Variants in C1QTNF1 observed in about 807,000 individuals in gnomAD.
C1QTNF1 encodes C1q and TNF related 1, also known as complement C1q tumor necrosis factor-related protein 1.
A neutral mutation model predicts 27.8 loss-of-function variants in C1QTNF1; 22 were observed. The observed-to-expected ratio is 0.79, with a 90% CI of 0.56 to 1.13. C1QTNF1 has a LOEUF of 1.13. Ranked by LOEUF, C1QTNF1 falls within the 50% of genes most tolerant of loss-of-function variation. C1QTNF1 has a pLI of 0.00. For synonymous variants in C1QTNF1, 166 were observed against 154.3 expected, an observed-to-expected ratio of 1.08 and a Z score of -0.56; for missense variants, 373 against 380.2, an observed-to-expected ratio of 0.98 and a Z score of 0.16.
intron 1 of C1QTNF1, 178 bp from the exon 2 acceptor site, chr17:79,043,777 T>G: frequency 1.4e-6 from 1 of 721,912 alleles, no homozygotes; most frequent in Non-Finnish European, 2.5e-6. Flanking sequence ...TATGCATGCA[T>G]GGGTGTGTGA....
intron 1 of C1QTNF1, among the ~76,000 whole-genome samples, chr17:79,034,917 C>T (rs2072230330): frequency 6.6e-6 from 1 of 152,158 alleles, no homozygotes; most frequent in South Asian, 2.1e-4. Flanking sequence ...AAGGGACCCC[C>T]ATCCACCACG....
chr17:79,027,947 C>T (rs1305340005), intron 1 of C1QTNF1, among the ~76,000 whole-genome samples: 2 of 152,232 alleles, frequency 1.3e-5, no homozygotes, highest in African/African-American at 2.4e-5. Context: ...GCCTCTGAGG[C>T]CCCCTGGATC....
At chr17:79,040,906 T>A (rs2072389515) in intron 1 of C1QTNF1, among the ~76,000 whole-genome samples, 1 of 150,290 alleles carries the variant, frequency 6.7e-6, no homozygotes, top group African/African-American at 2.5e-5. Context: ...AAAAAAAAAA[T>A]CAGAATTTTA....
chr17:79,046,737 C>T lies in C1QTNF1; in HGVS notation c.295+43C>T, dbSNP rs1239910107. On this transcript the variant is annotated intron_variant, in intron 3 of 3. Coordinates refer to ENST00000579760, the MANE Select transcript of C1QTNF1 (RefSeq NM_030968.5). This position sits in a 1 kb window ranked among gnomAD's most constrained non-coding sequence, Gnocchi z 4.8. ...ACAAGCACGGGGTGGCCGGGCTGCT[C>T]TGTGCTGATCCGGAGGAAGGGATGG... 1 of 1,610,484 alleles carries T rather than the reference C, an allele frequency of 6.2e-7. No individual in the cohort carries two copies. Among genetic ancestry groups the T allele is most frequent in the African/African-American group, 1.3e-5 (1 of 74,982 alleles).
At chr17:79,047,427 G>C (rs2072613315) in intron 3 of C1QTNF1, 111 bp from the exon 4 acceptor site, 2 of 1,134,060 alleles carry the variant, frequency 1.8e-6, no homozygotes, top group African/African-American at 1.6e-5. Flanking sequence ...TGCCAGGTCA[G>C]GGCTGTGAGG....
At chr17:79,037,430 A>G (rs1226057210) in intron 1 of C1QTNF1, among the ~76,000 whole-genome samples, 2 of 151,900 alleles carry the variant, frequency 1.3e-5, no homozygotes, top group East Asian at 3.9e-4. Context: ...TGCCCGGCCA[A>G]TTTTGGTATT....
At chr17:79,026,505 C>T (rs947907532) in intron 1 of C1QTNF1, among the ~76,000 whole-genome samples, 6 of 152,222 alleles carry the variant, frequency 3.9e-5, no homozygotes, top group Non-Finnish European at 8.8e-5. Flanking sequence ...ACATGGCACT[C>T]AGCTCGCCAA....
upstream of C1QTNF1, among the ~76,000 whole-genome samples, chr17:79,023,704 G>GCGCGCGCGCGCACACA (rs1267428917): frequency 4.1e-5 from 6 of 145,030 alleles, no homozygotes; most frequent in East Asian, 4.4e-4. Context: ...GCGCGCGCGC[G>GCGCGCGCGCGCACACA]CACACACACA....
At chr17:79,028,054 C>T (rs899710361) in intron 1 of C1QTNF1, among the ~76,000 whole-genome samples, 12 of 152,342 alleles carry the variant, frequency 7.9e-5, no homozygotes, top group African/African-American at 1.9e-4. Flanking sequence ...CGGCTGTGGC[C>T]GGGCCGGTGT....
At chr17:79,030,789 C>T (rs867095825) in intron 1 of C1QTNF1, among the ~76,000 whole-genome samples, 7 of 151,706 alleles carry the variant, frequency 4.6e-5, no homozygotes, top group African/African-American at 1.5e-4. Context: ...TTAGTAGAGA[C>T]GGGGTTTTAC....
upstream of C1QTNF1, among the ~76,000 whole-genome samples, chr17:79,023,808 G>A (rs976197848): frequency 1.3e-5 from 2 of 152,192 alleles, no homozygotes; most frequent in Non-Finnish European, 2.9e-5. Flanking sequence ...AATGCACAGG[G>A]CGTCTCAGGT....
At chr17:79,037,123 T>TTTTTTG (rs965786999) in intron 1 of C1QTNF1, among the ~76,000 whole-genome samples, 2 of 151,068 alleles carry the variant, frequency 1.3e-5, no homozygotes, top group Admixed American at 6.6e-5. Flanking sequence ...GCCCAGCTAT[T>TTTTTTG]TTTTTGTTTT....
intron 1 of C1QTNF1, among the ~76,000 whole-genome samples, chr17:79,026,808 C>T (rs1408718888): frequency 6.6e-6 from 1 of 152,144 alleles, no homozygotes; most frequent in African/African-American, 2.4e-5. Context: ...CCCAAGCTGT[C>T]CCAGGAAGGC....
intron 1 of C1QTNF1, among the ~76,000 whole-genome samples, chr17:79,032,553 G>T (rs892171319): frequency 2.0e-5 from 3 of 152,182 alleles, no homozygotes; most frequent in Admixed American, 1.3e-4. Flanking sequence ...CCAGGGCTGG[G>T]GAAGAAGTGA....
intron 2 of C1QTNF1, 41 bp downstream of exon 2, chr17:79,044,164 T>A (rs931252358): frequency 6.5e-7 from 1 of 1,539,170 alleles, no homozygotes; most frequent in African/African-American, 1.4e-5. Flanking sequence ...GCTCTGGCTC[T>A]GGCCAGGCTG....
chr17:79,047,884 C>T lies in C1QTNF1; in HGVS notation c.642C>T (p.Asn214=), dbSNP rs377539827. 7 of 1,614,184 alleles carry T rather than the reference C, an allele frequency of 4.3e-6. No homozygotes were observed. The highest frequency in any genetic ancestry group is 1.1e-5 in the South Asian group (1 of 91,082). ...QKETYLHIMK[N]EEEVVILFAQ... ...AGACCTACCTGCACATCATGAAGAACGAGGAGGAGGTGGTGATCTTGTTCG... is the reference window on the plus strand; with the variant it reads ...AGACCTACCTGCACATCATGAAGAATGAGGAGGAGGTGGTGATCTTGTTCG... Residue 214 remains asparagine (N), a synonymous_variant, in exon 4 of 4, where the codon AAC becomes AAT. Transcript: ENST00000579760.
intron 1 of C1QTNF1, among the ~76,000 whole-genome samples, chr17:79,043,106 A>G (rs2072460218): frequency 6.8e-6 from 1 of 146,246 alleles, no homozygotes; most frequent in Non-Finnish European, 1.5e-5. Context: ...GCATGTGTGC[A>G]TGGATTGCAT....
chr17:79,040,182 T>C (rs11870160), intron 1 of C1QTNF1, among the ~76,000 whole-genome samples: 25,688 of 151,948 alleles, frequency 0.17, 3,097 homozygotes, highest in African/African-American at 0.34. Context: ...ATAGGAAAAA[T>C]AAAATTATGG....
rs67515165 is a variant in C1QTNF1 at position 79,033,531 on chromosome 17, T to TA, written c.-15+9049dup. Among the ~76,000 whole-genome samples, 505 of 147,692 alleles carry TA rather than the reference T, an allele frequency of 3.4e-3. 1 individual carries two copies. The highest frequency in any genetic ancestry group is 5.9e-3 in the Admixed American group (87 of 14,850). ...GGGAAACATAGTGAGATCCTGTCTCTAAAAAAAAAAAATTTTTTTTTTTAA... is the reference window on the plus strand; with the variant it reads ...GGGAAACATAGTGAGATCCTGTCTCTAAAAAAAAAAAAATTTTTTTTTTTAA... On this transcript the variant is annotated intron_variant, in intron 1 of 3. Coordinates refer to ENST00000579760, the MANE Select transcript of C1QTNF1 (RefSeq NM_030968.5).
Sources: gnomAD v4.1 joint callset for allele counts (sites outside exome capture counted in the v4.1 genomes callset) on GRCh38, gnomAD v4.1.1 for gene constraint, Gnocchi (gnomAD v3.1) non-coding constraint, MANE v1.5 for transcripts, NCBI Gene and HGNC (gene_info 2026-07-23, HGNC 2026-07-21) for gene names.